The following MEX3C variants were observed in gnomAD, a reference collection of about 807,000 sequenced individuals.
MEX3C encodes the protein mex-3 RNA binding family member C.
MEX3C carries 15 observed loss-of-function variants against 35.5 expected under a neutral mutation model. The ratio of observed to expected loss-of-function variants is 0.42; its 90% CI spans 0.28 to 0.65. The LOEUF is 0.65. Among genes scored for constraint, MEX3C ranks in the 30% least tolerant of loss-of-function variants. The pLI, the probability that MEX3C is intolerant of heterozygous loss-of-function variation, is 0.20. For missense variants in MEX3C, 711 were observed against 842.8 expected (o/e 0.84, Z 1.94); for synonymous variants, 390 against 352.8 (o/e 1.11, Z -1.18).
chr18:51,183,356 A>C lies in MEX3C; in HGVS notation c.755-5780T>G, dbSNP rs530255583. On this transcript the variant is annotated intron_variant, in intron 1 of 1. Coordinates refer to ENST00000406189, the MANE Select transcript of MEX3C (RefSeq NM_016626.5). ...TTTGTTCCCACTTCCCAACAGAAAA[A>C]GCACCATGTGATAAAGAATTGAGTT... 3.4e-4 allele frequency among the ~76,000 whole-genome samples: 52 copies of C among 152,346 alleles called. No individual in the cohort carries two copies. In the South Asian group the frequency reaches 0.011, roughly 32 times the overall value.
Position 51,196,514 on chromosome 18 carries a change from C to G in MEX3C, c.754+53G>C, listed in dbSNP as rs1912791676. 3.8e-5 allele frequency: 58 copies of G among 1,522,504 alleles called. No homozygotes were observed. The East Asian group carries it at 1.4e-3, about 38-fold the overall frequency. The allele number at this position is 1,522,504 out of a possible 1,614,324, so 94.3% of individuals were successfully genotyped here. On this transcript the variant is annotated intron_variant, in intron 1 of 1. Coordinates refer to ENST00000406189, the MANE Select transcript of MEX3C (RefSeq NM_016626.5). The stretch of plus-strand genomic sequence containing the variant: ...GTCCCACGCTCCTTTCTCTCGTCTC[C>G]CCACCCACGCCCGGGGCCATGCCCA...
At chr18:51,181,702 G>C (rs769234363) in intron 1 of MEX3C, among the ~76,000 whole-genome samples, 1 of 152,188 alleles carries the variant, frequency 6.6e-6, no homozygotes, top group Non-Finnish European at 1.5e-5. Context: ...ATTAGCATGA[G>C]GCTGGTACAG....
chr18:51,178,049 G>C (rs1228436668), intron 1 of MEX3C, among the ~76,000 whole-genome samples: 1 of 151,880 alleles, frequency 6.6e-6, no homozygotes, highest in African/African-American at 2.4e-5. Context: ...AGTGAAACAT[G>C]AATGCAAAAA....
Position 51,177,269 on chromosome 18 carries a change from C to A in MEX3C, c.1062G>T (p.Gln354His). The change falls in exon 2 of 2, where the codon CAG becomes CAT. Residue 354 changes from glutamine (Q) to histidine (H), a missense_variant. Gln to His is a conservative substitution (Grantham distance 24, BLOSUM62 0). Transcript: ENST00000406189. This position sits in a 1 kb window ranked among gnomAD's most constrained non-coding sequence, Gnocchi z 4.2. ...PKGATIKRIQ[Q>H]QTHTYIVTPS... is the part of the protein sequence containing the mutation. ...GAGTTACTATGTAGGTGTGGGTCTG[C>A]TGCTGAATTCTTTTAATAGTTGCTC... The A allele has an allele frequency of 1.2e-6, 2 of 1,613,992 alleles. No homozygotes were observed. Among genetic ancestry groups the A allele is most frequent in the Non-Finnish European group, 1.7e-6 (2 of 1,179,896 alleles).
rs757165891 is a variant in MEX3C at position 51,196,607 on chromosome 18, C to A, written c.714G>T (p.Val238=). The A allele has an allele frequency of 6.3e-7, 1 of 1,593,070 alleles. No homozygotes were observed. The highest frequency in any genetic ancestry group is 8.5e-7 in the Non-Finnish European group (1 of 1,175,048). Reference sequence around the variant, plus strand: ...TCTCGGCGACGTGCTCGGAGCTGGGCACCGGGACGCACTCGGTGGTGTTGA... The same window carrying A: ...TCTCGGCGACGTGCTCGGAGCTGGGAACCGGGACGCACTCGGTGGTGTTGA... ...KSVNTTECVP[V]PSSEHVAEIV... Residue 238 remains valine (V), a synonymous_variant, in exon 1 of 2, where the codon GTG becomes GTT. Transcript: ENST00000406189.
At chr18:51,187,359 A>AG (rs1912563720) in intron 1 of MEX3C, among the ~76,000 whole-genome samples, 1 of 152,230 alleles carries the variant, frequency 6.6e-6, no homozygotes, top group African/African-American at 2.4e-5. Context: ...ATTAAGGTCC[A>AG]GTTCAAGGGA....
chr18:51,196,113 T>G, intron 1 of MEX3C: 1 of 194,244 alleles, frequency 5.1e-6, no homozygotes, highest in Non-Finnish European at 1.1e-5. Flanking sequence ...CAGGCCTCCA[T>G]TTCTGTTCTT....
chr18:51,182,555 C>T (rs535276821), intron 1 of MEX3C, among the ~76,000 whole-genome samples: 1 of 152,262 alleles, frequency 6.6e-6, no homozygotes, highest in Non-Finnish European at 1.5e-5. Flanking sequence ...TGTAGGAACC[C>T]ATTTTCCTTT....
At chr18:51,189,171 T>TA (rs1393883426) in intron 1 of MEX3C, among the ~76,000 whole-genome samples, 1 of 152,168 alleles carries the variant, frequency 6.6e-6, no homozygotes, top group Non-Finnish European at 1.5e-5. Flanking sequence ...TATAGGGAGT[T>TA]AAAAACATTT....
Position 51,177,326 on chromosome 18 carries a change from A to G in MEX3C, c.1005T>C (p.Tyr335=), listed in dbSNP as rs1912327820. ...GTCCAACCACTAATCCTACCACACG[A>G]TAAGGGACCCTGACTTGGACGGTGG... ...GQTTVQVRVP[Y]RVVGLVVGPK... is the part of the protein sequence containing the mutation. Residue 335 remains tyrosine (Y), a synonymous_variant, in exon 2 of 2, where the codon TAT becomes TAC. Transcript: ENST00000406189. The surrounding 1 kb of genome is among the most constrained non-coding windows in gnomAD (Gnocchi z 4.2). 2.5e-6 allele frequency: 4 copies of G among 1,613,972 alleles called. No individual in the cohort carries two copies. The highest frequency in any genetic ancestry group is 3.4e-6 in the Non-Finnish European group (4 of 1,179,878).
In MEX3C at chr18:51,196,904, C is replaced by A. The variant is rs999420939; in HGVS notation, c.417G>T (p.Ser139=). The A allele has an allele frequency of 6.5e-7, 1 of 1,542,504 alleles. No individual in the cohort carries two copies. Among genetic ancestry groups the A allele is most frequent in the Non-Finnish European group, 8.7e-7 (1 of 1,145,954 alleles). ...ELEEAEEEDR[S]SLLLLSPPAA... is the part of the protein sequence containing the mutation. The stretch of plus-strand genomic sequence containing the variant: ...CGGGCGGCGACAGCAGCAGCAGCGA[C>A]GACCGGTCCTCCTCCTCTGCTTCCT... Residue 139 remains serine, a synonymous_variant, in exon 1 of 2, where the codon TCG becomes TCT. Transcript: ENST00000406189.
At chr18:51,187,952 A>G (rs1912575239) in intron 1 of MEX3C, among the ~76,000 whole-genome samples, 1 of 152,236 alleles carries the variant, frequency 6.6e-6, no homozygotes, top group Admixed American at 6.5e-5. Context: ...CTAGTATTCT[A>G]TCTTCAAAGA....
rs1441680626 is a variant in MEX3C at position 51,197,521 on chromosome 18, G to C, written c.-201C>G. On this transcript the variant is annotated 5_prime_UTR_variant, in exon 1 of 2. Coordinates refer to ENST00000406189, the MANE Select transcript of MEX3C (RefSeq NM_016626.5). ...GGGCGGGGTGGAGGGGCAGGGGAAGGAGGCAGAGGTAGGTAACTAGGTGGG... is the reference window on the plus strand; with the variant it reads ...GGGCGGGGTGGAGGGGCAGGGGAAGCAGGCAGAGGTAGGTAACTAGGTGGG... 6.7e-6 allele frequency among the ~76,000 whole-genome samples: 1 copy of C among 148,920 alleles called. No individual in the cohort carries two copies. Among genetic ancestry groups the C allele is most frequent in the Non-Finnish European group, 1.5e-5 (1 of 66,678 alleles).
intron 1 of MEX3C, among the ~76,000 whole-genome samples, chr18:51,184,031 C>T (rs1028994030): frequency 3.3e-5 from 5 of 151,632 alleles, no homozygotes; most frequent in Admixed American, 2.0e-4. Context: ...CCTAGCATGA[C>T]TCAGAAGAGA....
At chr18:51,179,661 T>C (rs1019809684) in intron 1 of MEX3C, among the ~76,000 whole-genome samples, 1 of 152,218 alleles carries the variant, frequency 6.6e-6, no homozygotes, top group Non-Finnish European at 1.5e-5. Flanking sequence ...TGTGCTTTTG[T>C]TCTACAACAG....
chr18:51,186,970 A>G (rs1040401089), intron 1 of MEX3C, among the ~76,000 whole-genome samples: 3 of 152,206 alleles, frequency 2.0e-5, no homozygotes, highest in African/African-American at 7.2e-5. Context: ...TTCTTCAAAA[A>G]TTTCCCAAGA....
Position 51,177,530 on chromosome 18 carries a change from CTT to C in MEX3C, c.799_800del (p.Lys267AspfsTer6). ...TGGGCTCTTCACCACGAACAGGAGT[CTT>C]GATATACGTGTTTGTCTTGGCTCTC... is the stretch of plus-strand genomic sequence containing the variant. ...ALRAKTNTYI[K>X]TPVRGEEPIF... On this transcript the variant is annotated frameshift_variant, in exon 2 of 2. Coordinates refer to ENST00000406189, the MANE Select transcript of MEX3C (RefSeq NM_016626.5). LOFTEE classifies it high-confidence loss of function. This position sits in a 1 kb window ranked among gnomAD's most constrained non-coding sequence, Gnocchi z 4.2. 1 of 1,613,676 alleles carries C rather than the reference CTT, an allele frequency of 6.2e-7. No individual in the cohort carries two copies. The highest frequency in any genetic ancestry group is 8.5e-7 in the Non-Finnish European group (1 of 1,179,790).
chr18:51,179,026 CAG>C (rs1187457961), intron 1 of MEX3C, among the ~76,000 whole-genome samples: 3 of 147,300 alleles, frequency 2.0e-5, no homozygotes, highest in African/African-American at 5.0e-5. Context: ...CTTTTTGAGA[CAG>C]AGTCTCGCTC....
chr18:51,194,983 T>C (rs975984376), intron 1 of MEX3C: 2 of 152,252 alleles, frequency 1.3e-5, no homozygotes, highest in African/African-American at 4.8e-5. Context: ...GACTTTGTCA[T>C]ACTAAATACA....
Sources: gnomAD v4.1 joint callset for allele counts (sites outside exome capture counted in the v4.1 genomes callset) on GRCh38, gnomAD v4.1.1 for gene constraint, Gnocchi (gnomAD v3.1) non-coding constraint, MANE v1.5 for transcripts, NCBI Gene and HGNC (gene_info 2026-07-23, HGNC 2026-07-21) for gene names.